Variants in SH3PXD2B observed in about 807,000 individuals in gnomAD.
SH3PXD2B encodes SH3 and PX domain-containing protein 2B.
A neutral mutation model predicts 73.1 loss-of-function variants in SH3PXD2B; 37 were observed. The ratio of observed to expected loss-of-function variants is 0.51; its 90% CI spans 0.39 to 0.67. The LOEUF is 0.67. SH3PXD2B is among the 30% of genes least tolerant of loss of function. SH3PXD2B has a pLI of 0.00. For missense variants in SH3PXD2B, 1,053 were observed against 1,197.8 expected (o/e 0.88, Z 1.78); for synonymous variants, 457 against 480.5 (o/e 0.95, Z 0.64).
intron 1 of SH3PXD2B, among the ~76,000 whole-genome samples, chr5:172,423,086 T>G (rs1759009326): frequency 6.6e-6 from 1 of 152,148 alleles, no homozygotes. Context: ...GAAGGACCAT[T>G]TTATAAACCA....
At chr5:172,333,272 G>A (rs529955823), downstream of SH3PXD2B, among the ~76,000 whole-genome samples, 3 of 152,134 alleles carry the variant, frequency 2.0e-5, no homozygotes, top group South Asian at 6.2e-4. Flanking sequence ...AGGCAATGCC[G>A]GCAAGAGGTT....
chr5:172,443,294 G>A (rs888906072), intron 1 of SH3PXD2B, among the ~76,000 whole-genome samples: 2 of 152,200 alleles, frequency 1.3e-5, no homozygotes, highest in East Asian at 1.9e-4. Flanking sequence ...CTATCACCGC[G>A]AGTTGCTGCC....
intron 5 of SH3PXD2B, among the ~76,000 whole-genome samples, chr5:172,379,598 C>CT (rs1191981846): frequency 6.6e-6 from 1 of 152,198 alleles, no homozygotes; most frequent in Non-Finnish European, 1.5e-5. Flanking sequence ...TTGATCAACT[C>CT]TTAAGAGACA....
intron 2 of SH3PXD2B, among the ~76,000 whole-genome samples, chr5:172,422,069 A>C (rs1758976016): frequency 6.6e-6 from 1 of 150,452 alleles, no homozygotes. Context: ...ATCTCGGCTC[A>C]CTGCAACCTC....
Position 172,368,698 on chromosome 5 carries a change from AAT to A in SH3PXD2B, c.427+5090_427+5091del, listed in dbSNP as rs1291909474. ...TAAAATATATATGTTATATATATAA[AAT>A]ATATATATATTATATATATATAAAA... is the stretch of plus-strand genomic sequence containing the variant. On this transcript the variant is annotated intron_variant, in intron 6 of 12. Transcript: ENST00000311601. Among the ~76,000 whole-genome samples, 74 of 35,028 alleles carry A rather than the reference AAT, an allele frequency of 2.1e-3. 13 individuals carry two copies. The highest frequency in any genetic ancestry group is 0.011 in the Middle Eastern group (1 of 92). 23.0% of individuals were successfully genotyped at this position (35,028 alleles called of 152,430 possible).
chr5:172,426,869 A>C (rs969395263), intron 1 of SH3PXD2B, among the ~76,000 whole-genome samples: 1 of 152,248 alleles, frequency 6.6e-6, no homozygotes, highest in Non-Finnish European at 1.5e-5. Context: ...CCCTGGATCC[A>C]GCCTGAATCC....
intron 11 of SH3PXD2B, 118 bp downstream of exon 11, chr5:172,347,165 G>T: frequency 2.0e-6 from 2 of 1,011,142 alleles, no homozygotes; most frequent in Non-Finnish European, 3.1e-6. Flanking sequence ...TCACAAGGCT[G>T]TTGTGTGGAC....
chr5:172,332,997 G>A (rs1476225420), downstream of SH3PXD2B, among the ~76,000 whole-genome samples: 3 of 150,094 alleles, frequency 2.0e-5, no homozygotes, highest in Non-Finnish European at 3.0e-5. Flanking sequence ...GCGCAGTGAC[G>A]TGATGTCGAC....
intron 5 of SH3PXD2B, among the ~76,000 whole-genome samples, chr5:172,377,192 A>G (rs913760658): frequency 3.3e-5 from 5 of 152,122 alleles, no homozygotes; most frequent in Non-Finnish European, 7.4e-5. Flanking sequence ...CAGGTGGGTC[A>G]TCTTCTTGGT....
intron 1 of SH3PXD2B, among the ~76,000 whole-genome samples, chr5:172,451,208 A>G (rs1759789391): frequency 6.6e-6 from 1 of 152,210 alleles, no homozygotes; most frequent in African/African-American, 2.4e-5. Flanking sequence ...TGACATCTAC[A>G]GCACCTGTGA....
At chr5:172,444,617 A>G (rs1048390477) in intron 1 of SH3PXD2B, among the ~76,000 whole-genome samples, 1 of 152,240 alleles carries the variant, frequency 6.6e-6, no homozygotes, top group Non-Finnish European at 1.5e-5. Context: ...CTGGAATTTC[A>G]GGATTACTAC....
chr5:172,371,853 C>T (rs1332189804), intron 6 of SH3PXD2B, among the ~76,000 whole-genome samples: 2 of 152,184 alleles, frequency 1.3e-5, no homozygotes. Flanking sequence ...TCTGCCAGCC[C>T]AAGAGTGGCA....
chr5:172,401,808 A>G (rs892243241), intron 3 of SH3PXD2B, among the ~76,000 whole-genome samples: 1 of 152,200 alleles, frequency 6.6e-6, no homozygotes, highest in Non-Finnish European at 1.5e-5. Context: ...CACTTCCCCA[A>G]TCAATATTCT....
chr5:172,347,219 C>T, intron 11 of SH3PXD2B, 64 bp downstream of exon 11: 1 of 1,488,770 alleles, frequency 6.7e-7, no homozygotes, highest in South Asian at 1.1e-5. Flanking sequence ...GTGTGAGGGG[C>T]TAGTGGACAC....
intron 3 of SH3PXD2B, among the ~76,000 whole-genome samples, chr5:172,400,282 C>T (rs1758396664): frequency 6.6e-6 from 1 of 152,134 alleles, no homozygotes; most frequent in Non-Finnish European, 1.5e-5. Context: ...AACTCACATG[C>T]AGTAATATTA....
Position 172,334,917 on chromosome 5 carries a change from T to C in SH3PXD2B, c.*3452A>G, listed in dbSNP as rs1396626737. 1.2e-5 allele frequency: 12 copies of C among 985,278 alleles called. No homozygotes were observed. Among genetic ancestry groups the C allele is most frequent in the Non-Finnish European group, 1.4e-5 (12 of 829,940 alleles). The allele number at this position is 985,278 out of a possible 1,614,324, so 61.0% of individuals were successfully genotyped here. On this transcript the variant is annotated 3_prime_UTR_variant, in exon 13 of 13. Transcript: ENST00000311601. ...CCAAGAACATTGACTTGGAAATTGA[T>C]TCTATGGCGTGGCCTTGTGGCAGAG...
chr5:172,353,687 T>A lies in SH3PXD2B; in HGVS notation c.785+201A>T, dbSNP rs942760918. ...GTGTGTTTGGAGAAAGTTTTGCTTA[T>A]CATGGACTTTTAGGGAAGGATATGG... On this transcript the variant is annotated intron_variant, in intron 9 of 12. Coordinates refer to ENST00000311601, the MANE Select transcript of SH3PXD2B (RefSeq NM_001017995.3). The surrounding 1 kb of genome is among the most constrained non-coding windows in gnomAD (Gnocchi z 4.3). Among the ~76,000 whole-genome samples, 6 of 152,166 alleles carry A rather than the reference T, an allele frequency of 3.9e-5. No homozygotes were observed. Among genetic ancestry groups the A allele is most frequent in the Non-Finnish European group, 8.8e-5 (6 of 68,032 alleles).
chr5:172,392,355 C>T (rs1445245271), intron 4 of SH3PXD2B, among the ~76,000 whole-genome samples: 1 of 152,212 alleles, frequency 6.6e-6, no homozygotes, highest in Non-Finnish European at 1.5e-5. Context: ...GCTGCCTAGA[C>T]TTCCAGTCTC....
intron 6 of SH3PXD2B, among the ~76,000 whole-genome samples, chr5:172,370,421 T>A (rs1409035323): frequency 1.3e-4 from 20 of 152,204 alleles, no homozygotes; most frequent in Admixed American, 1.3e-3. Context: ...GGCAAAACTA[T>A]GAGCAGTGAC....
Sources: allele counts gnomAD v4.1 joint callset (sites outside exome capture counted in the v4.1 genomes callset), GRCh38; gene constraint gnomAD v4.1.1; non-coding constraint Gnocchi (gnomAD v3.1); transcripts MANE v1.5; gene names NCBI Gene and HGNC (gene_info 2026-07-23, HGNC 2026-07-21).